Variants in COL27A1 observed in about 807,000 individuals in gnomAD.
The protein encoded by COL27A1 is collagen alpha-1(XXVII) chain.
COL27A1 carries 106 observed loss-of-function variants against 251.3 expected under a neutral mutation model. The observed-to-expected ratio is 0.42, with a 90% confidence interval of 0.36 to 0.50. The LOEUF is 0.50. Ranked by LOEUF, COL27A1 falls within the 20% of genes least tolerant of loss-of-function variation. The pLI is 0.00. For missense variants in COL27A1, 2,325 were observed against 2,522.8 expected (o/e 0.92, Z 1.68); for synonymous variants, 1,000 against 986.3 (o/e 1.01, Z -0.26).
intron 2 of COL27A1, among the ~76,000 whole-genome samples, chr9:114,165,149 G>A (rs1192527643): frequency 6.6e-6 from 1 of 152,156 alleles, no homozygotes; most frequent in Non-Finnish European, 1.5e-5. Context: ...CTGTTTTACA[G>A]TGGAGGGAAC....
At chr9:114,268,175 A>G (rs943447546) in intron 34 of COL27A1, among the ~76,000 whole-genome samples, 1 of 152,108 alleles carries the variant, frequency 6.6e-6, no homozygotes, top group Non-Finnish European at 1.5e-5. Context: ...CACGTAGAAA[A>G]CTGATAGAAG....
chr9:114,163,065 C>T (rs2808796), intron 2 of COL27A1, among the ~76,000 whole-genome samples: 1 of 151,864 alleles, frequency 6.6e-6, no homozygotes, highest in African/African-American at 2.4e-5. Context: ...GAAACCCCAT[C>T]TCTACTAAAA....
At chr9:114,278,251 TTGG>T (rs1387997180) in intron 37 of COL27A1, among the ~76,000 whole-genome samples, 2 of 141,126 alleles carry the variant, frequency 1.4e-5, no homozygotes, top group African/African-American at 2.7e-5. Context: ...GATGATGGTG[TTGG>T]TGGTGGTGAT....
rs117274916 is a variant in COL27A1, at chr9:114,197,156, C to T, written c.2124+1144C>T. Among the ~76,000 whole-genome samples the T allele has an allele frequency of 3.5e-3, 536 of 152,302 alleles. 2 individuals are homozygous for T. The highest frequency in any genetic ancestry group is 0.011 in the South Asian group (51 of 4,826). ...CTGATGGATTGTCTGGTGAATCCAT[C>T]GGCCTACCACTGTGTCTTAAGCTTC... On this transcript the variant is annotated intron_variant, in intron 7 of 60. Transcript: ENST00000356083.
rs557055064 is a variant in COL27A1 at position 114,168,347 on chromosome 9, C to T, written c.792C>T (p.Leu264=). The T allele has an allele frequency of 9.3e-6, 15 of 1,613,332 alleles. No homozygotes were observed. Among genetic ancestry groups the T allele is most frequent in the Admixed American group, 3.3e-5 (2 of 60,022 alleles). Reference sequence around the variant, plus strand: ...GACCTTTTACCTTCCAGTCCGACCTCGCCCTGCTAGGCCTGGAGAACTTGA... The same window carrying T: ...GACCTTTTACCTTCCAGTCCGACCTTGCCCTGCTAGGCCTGGAGAACTTGA... ...SGRPFTFQSD[L]ALLGLENLTT... The change falls in exon 3 of 61, where the codon CTC becomes CTT. Residue 264 remains leucine (L), a synonymous_variant. Coordinates refer to ENST00000356083, the MANE Select transcript of COL27A1 (RefSeq NM_032888.4).
chr9:114,283,244 G>A (rs780453454), intron 39 of COL27A1, among the ~76,000 whole-genome samples: 5 of 152,220 alleles, frequency 3.3e-5, no homozygotes, highest in African/African-American at 4.8e-5. Flanking sequence ...GGAGTTACAC[G>A]GCAGCCCTCC....
chr9:114,158,134 G>A (rs1848247666), intron 1 of COL27A1, among the ~76,000 whole-genome samples: 1 of 152,190 alleles, frequency 6.6e-6, no homozygotes, highest in Admixed American at 6.5e-5. Context: ...AGGTGGGACA[G>A]GTCCACCCCA....
intron 1 of COL27A1, among the ~76,000 whole-genome samples, chr9:114,158,141 C>A (rs1848248757): frequency 6.6e-6 from 1 of 152,136 alleles, no homozygotes; most frequent in Non-Finnish European, 1.5e-5. Context: ...ACAGGTCCAC[C>A]CCACTTGATG....
chr9:114,269,201 C>T (rs370597007), intron 34 of COL27A1, 40 bp from the exon 35 acceptor site: 116 of 1,509,478 alleles, frequency 7.7e-5, no homozygotes, highest in Non-Finnish European at 9.8e-5. Context: ...CTGGGGCTGG[C>T]CCTACCCACC....
intron 36 of COL27A1, 107 bp downstream of exon 36, chr9:114,270,888 G>C (rs1310534129): frequency 3.4e-6 from 3 of 874,710 alleles, no homozygotes; most frequent in Non-Finnish European, 5.6e-6. Context: ...AGAGATCTGA[G>C]ATGACAGCTC....
At chr9:114,270,637 G>T in intron 35 of COL27A1, 91 bp from the exon 36 acceptor site, 2 of 996,264 alleles carry the variant, frequency 2.0e-6, no homozygotes, top group East Asian at 4.9e-5. Flanking sequence ...ATGGGTCAGG[G>T]TCCTGCCCCA....
intron 14 of COL27A1, among the ~76,000 whole-genome samples, chr9:114,224,532 A>G (rs1049150526): frequency 6.6e-6 from 1 of 151,320 alleles, no homozygotes; most frequent in Admixed American, 6.6e-5. Context: ...ACATGTTCCT[A>G]TTTGTCATCA....
At chr9:114,262,719 C>G (rs1314696932) in intron 28 of COL27A1, among the ~76,000 whole-genome samples, 1 of 152,246 alleles carries the variant, frequency 6.6e-6, no homozygotes, top group Non-Finnish European at 1.5e-5. Context: ...GGGCTGGACC[C>G]CACAATGGGC....
intron 27 of COL27A1, among the ~76,000 whole-genome samples, chr9:114,257,982 G>A (rs1834051325): frequency 6.6e-6 from 1 of 152,184 alleles, no homozygotes; most frequent in Non-Finnish European, 1.5e-5. Context: ...AGGATCACTT[G>A]AGCCTAGGAG....
At chr9:114,177,199 A>C (rs1827531039) in intron 3 of COL27A1, among the ~76,000 whole-genome samples, 1 of 152,234 alleles carries the variant, frequency 6.6e-6, no homozygotes, top group Admixed American at 6.5e-5. Context: ...GGAAGTGTGC[A>C]GCTATTAAGT....
At chr9:114,268,124 C>A (rs1811564878) in intron 34 of COL27A1, among the ~76,000 whole-genome samples, 1 of 152,212 alleles carries the variant, frequency 6.6e-6, no homozygotes. Flanking sequence ...TTGGCCTAGT[C>A]CCAAAATCCC....
upstream of COL27A1, among the ~76,000 whole-genome samples, chr9:114,154,909 C>T (rs908682518): frequency 2.3e-4 from 35 of 151,956 alleles, no homozygotes; most frequent in Non-Finnish European, 4.7e-4. This position sits in a 1 kb window ranked among gnomAD's most constrained non-coding sequence, Gnocchi z 5.8. Flanking sequence ...GCCCGGGGGC[C>T]AAGGTGTGCA....
At chr9:114,252,820 G>A in intron 26 of COL27A1, 59 bp from the exon 27 acceptor site, 1 of 1,557,026 alleles carries the variant, frequency 6.4e-7, no homozygotes, top group South Asian at 1.1e-5. Flanking sequence ...CGACCGAGGT[G>A]GGACTGAAGG....
chr9:114,156,566 G>C (rs1460725962), intron 1 of COL27A1, among the ~76,000 whole-genome samples: 2 of 152,058 alleles, frequency 1.3e-5, no homozygotes, highest in East Asian at 1.9e-4. Context: ...AGTCGGCCTG[G>C]GTCTGTGTGT....
Sources: allele counts gnomAD v4.1 joint callset (sites outside exome capture counted in the v4.1 genomes callset), GRCh38; gene constraint gnomAD v4.1.1; non-coding constraint Gnocchi (gnomAD v3.1); transcripts MANE v1.5; gene names NCBI Gene and HGNC (gene_info 2026-07-23, HGNC 2026-07-21).